SNX13: variants seen among roughly 807,000 people sequenced by gnomAD.
SNX13 encodes sorting nexin-13.
A neutral mutation model predicts 133.6 loss-of-function variants in SNX13; 45 were observed. The ratio of observed to expected loss-of-function variants is 0.34; its 90% CI spans 0.27 to 0.43. The LOEUF is 0.43. Ranked by LOEUF, SNX13 falls within the 20% of genes least tolerant of loss-of-function variation. The pLI is 1.00. For missense variants in SNX13, 1,032 were observed against 1,145.1 expected (o/e 0.90, Z 1.43); for synonymous variants, 414 against 373.9 (o/e 1.11, Z -1.24).
chr7:17,795,968 T>C (rs1407969939), intron 25 of SNX13: 3 of 151,556 alleles, frequency 2.0e-5, no homozygotes, highest in Non-Finnish European at 3.0e-5. Flanking sequence ...ATAGAGAAAA[T>C]ACAGGTAAGA....
chr7:17,871,217 G>A (rs1794080434), intron 8 of SNX13, among the ~76,000 whole-genome samples: 1 of 152,120 alleles, frequency 6.6e-6, no homozygotes, highest in East Asian at 1.9e-4. Flanking sequence ...GTGTTAGCCA[G>A]GATGGTCTCG....
At chr7:17,806,773 G>A (rs982853280) in intron 20 of SNX13, among the ~76,000 whole-genome samples, 2 of 152,174 alleles carry the variant, frequency 1.3e-5, no homozygotes, top group African/African-American at 4.8e-5. Flanking sequence ...ATCTCACTGG[G>A]ACTAGTTAGA....
intron 15 of SNX13, chr7:17,830,630 A>G (rs1249226383): frequency 1.0e-6 from 1 of 983,982 alleles, no homozygotes; most frequent in East Asian, 1.1e-4. Flanking sequence ...TTCATTAAAA[A>G]GCAACTAGGA....
chr7:17,839,637 G>A (rs960868429), intron 13 of SNX13, among the ~76,000 whole-genome samples, 170 bp downstream of exon 13: 2 of 151,860 alleles, frequency 1.3e-5, no homozygotes, highest in African/African-American at 4.8e-5. Flanking sequence ...TAATTTGACT[G>A]GCTAAACATC....
intron 15 of SNX13, chr7:17,832,146 C>G (rs1438047303): frequency 1.0e-6 from 1 of 983,912 alleles, no homozygotes; most frequent in African/African-American, 1.8e-5. Flanking sequence ...ATAAGAGAAG[C>G]ATATTTACTT....
intron 20 of SNX13, among the ~76,000 whole-genome samples, chr7:17,805,250 T>TATGTGTGTGTGTGTGCGC (rs1785096463): frequency 1.0e-5 from 1 of 95,560 alleles, no homozygotes; most frequent in Non-Finnish European, 2.5e-5. Context: ...TGTGTGTGTG[T>TATGTGTGTGTGTGTGCGC]GCGTGCGCGC....
At chr7:17,855,902 G>C (rs977106582) in intron 9 of SNX13, among the ~76,000 whole-genome samples, 9 of 152,132 alleles carry the variant, frequency 5.9e-5, no homozygotes, top group African/African-American at 2.2e-4. Context: ...TCCTCTGATG[G>C]ATCTGAACAA....
At chr7:17,858,908 T>G (rs889135047) in intron 9 of SNX13, among the ~76,000 whole-genome samples, 14 of 152,160 alleles carry the variant, frequency 9.2e-5, no homozygotes, top group African/African-American at 2.4e-5. Context: ...TAGATGTCTG[T>G]ATTTTAAAAA....
chr7:17,872,712 C>T (rs926105189), intron 8 of SNX13, among the ~76,000 whole-genome samples: 2 of 152,246 alleles, frequency 1.3e-5, no homozygotes, highest in African/African-American at 2.4e-5. Flanking sequence ...AGCATAAAAG[C>T]AAGTCTCAGG....
intron 1 of SNX13, among the ~76,000 whole-genome samples, chr7:17,910,407 T>G (rs1187535790): frequency 6.6e-6 from 1 of 152,200 alleles, no homozygotes; most frequent in East Asian, 1.9e-4. Context: ...TGGCTTTCTT[T>G]TTCAAGTCAG....
At chr7:17,831,482 T>TA (rs1410939552) in intron 15 of SNX13, 1 of 981,596 alleles carries the variant, frequency 1.0e-6, no homozygotes, top group East Asian at 1.1e-4. Flanking sequence ...GGAGAGATAG[T>TA]AAGCACAAGC....
At position 17,897,140 on chromosome 7, in the gene SNX13, C is replaced by G. The variant is rs1408908296; in HGVS notation, c.125+194G>C. Among the ~76,000 whole-genome samples, 3 of 151,960 alleles carry G rather than the reference C, an allele frequency of 2.0e-5. No individual in the cohort carries two copies. The East Asian group carries it at 5.8e-4, about 29-fold the overall frequency. ...TGGACATCTTATTATTGAAGGACTACCCATATTTCTGATACAAATAATGAC... is the reference window on the plus strand; with the variant it reads ...TGGACATCTTATTATTGAAGGACTAGCCATATTTCTGATACAAATAATGAC... On this transcript the variant is annotated intron_variant, in intron 2 of 25. Transcript: ENST00000428135.
intron 1 of SNX13, among the ~76,000 whole-genome samples, chr7:17,922,603 T>C (rs779454998): frequency 1.3e-5 from 2 of 152,230 alleles, no homozygotes; most frequent in Admixed American, 6.5e-5. Context: ...CAAGTTTATT[T>C]TCCTTTCTGA....
intron 1 of SNX13, among the ~76,000 whole-genome samples, chr7:17,928,645 GAACA>G (rs996283409): frequency 4.0e-5 from 6 of 151,344 alleles, no homozygotes; most frequent in African/African-American, 9.7e-5. Context: ...GAAAAAAACA[GAACA>G]AACTAACCCG....
chr7:17,893,424 C>G lies in SNX13; in HGVS notation c.136G>C (p.Val46Leu). ...TTTGTTTTTCCAAACAGGAGAGTAA[C>G]CACTAAACCCCTAGAAAGAAAAATT... ...ILCFVGGGLV[V>L]TLLFGKTNSE... is the part of the protein sequence containing the mutation. The change falls in exon 3 of 26, where the codon GTT (valine) becomes CTT (leucine). Residue 46 changes from valine (V) to leucine (L), a missense_variant. Physicochemically the swap from Val to Leu is conservative, Grantham distance 32 (BLOSUM62 1). Coordinates refer to ENST00000428135, the MANE Select transcript of SNX13 (RefSeq NM_015132.5). 1 of 1,545,132 alleles carries G rather than the reference C, an allele frequency of 6.5e-7. No homozygotes were observed. The highest frequency in any genetic ancestry group is 8.7e-7 in the Non-Finnish European group (1 of 1,143,946).
At position 17,810,047 on chromosome 7, in the gene SNX13, G is replaced by A. The variant is rs544196315; in HGVS notation, c.2064+4787C>T. On this transcript the variant is annotated intron_variant, in intron 20 of 25. Transcript: ENST00000428135. ...GATCTAAAATCGACACCCTAACATC[G>A]CAATTAAAAAAACTAGAGAAGCAAG... Among the ~76,000 whole-genome samples the A allele has an allele frequency of 1.7e-4, 26 of 151,624 alleles. No homozygotes were observed. In the South Asian group the frequency reaches 2.1e-3, roughly 12 times the overall value.
intron 9 of SNX13, among the ~76,000 whole-genome samples, chr7:17,851,209 G>C (rs1256292217): frequency 6.6e-6 from 1 of 152,192 alleles, no homozygotes; most frequent in Non-Finnish European, 1.5e-5. Flanking sequence ...TTTGATGATA[G>C]CAAAGAAGCC....
At chr7:17,868,706 AC>A (rs1793697382) in intron 8 of SNX13, among the ~76,000 whole-genome samples, 1 of 152,130 alleles carries the variant, frequency 6.6e-6, no homozygotes, top group Admixed American at 6.5e-5. Context: ...ACACATCTCC[AC>A]AGTAACAACT....
chr7:17,803,771 C>T (rs572719571), intron 20 of SNX13, among the ~76,000 whole-genome samples, 191 bp from the exon 21 acceptor site: 1 of 151,290 alleles, frequency 6.6e-6, no homozygotes, highest in South Asian at 2.1e-4. Flanking sequence ...TTCAGCTGGG[C>T]ACAGTAGCTC....
Sources: allele counts gnomAD v4.1 joint callset (sites outside exome capture counted in the v4.1 genomes callset), GRCh38; gene constraint gnomAD v4.1.1; transcripts MANE v1.5; gene names NCBI Gene and HGNC (gene_info 2026-07-23, HGNC 2026-07-21).